The following TENM3 variants were observed in gnomAD, a reference collection of about 807,000 sequenced individuals.
TENM3 encodes the protein teneurin transmembrane protein 3.
TENM3 carries 63 observed loss-of-function variants against 255.1 expected under a neutral mutation model. The ratio of observed to expected loss-of-function variants is 0.25; its 90% CI spans 0.20 to 0.30. The LOEUF is 0.30. TENM3 is among the 10% of genes least tolerant of loss of function. TENM3 has a pLI of 1.00. For missense variants in TENM3, 2,929 were observed against 3,461.1 expected, an observed-to-expected ratio of 0.85 and a Z score of 3.86; for synonymous variants, 1,306 against 1,322.3, an observed-to-expected ratio of 0.99 and a Z score of 0.27.
At chr4:182,678,647 G>A (rs539099957) in intron 7 of TENM3, among the ~76,000 whole-genome samples, 1 of 152,314 alleles carries the variant, frequency 6.6e-6, no homozygotes, top group Non-Finnish European at 1.5e-5. Flanking sequence ...TCAAGATTCA[G>A]ATTCCTTCAC....
chr4:181,796,576 G>C, the TENM3 span, among the ~76,000 whole-genome samples: 2 of 152,162 alleles, frequency 1.3e-5, no homozygotes, highest in African/African-American at 4.8e-5. Context: ...ATGTGCACTA[G>C]AGGATGAGCC....
rs1762560706 is a variant in TENM3 at position 182,754,183 on chromosome 4, A to C, written c.4018-202A>C. Among the ~76,000 whole-genome samples, 1 of 152,222 alleles carries C rather than the reference A, an allele frequency of 6.6e-6. No individual in the cohort carries two copies. Among genetic ancestry groups the C allele is most frequent in the Non-Finnish European group, 1.5e-5 (1 of 68,046 alleles). On this transcript the variant is annotated intron_variant, in intron 21 of 27. Transcript: ENST00000511685. The surrounding 1 kb of genome is among the most constrained non-coding windows in gnomAD (Gnocchi z 5.1). ...AACTAGCAAATCTTTCTGTGAGCTGAATTTTAAAATAAAGTGTTATTTCCT... is the reference window on the plus strand; with the variant it reads ...AACTAGCAAATCTTTCTGTGAGCTGCATTTTAAAATAAAGTGTTATTTCCT...
the TENM3 span, among the ~76,000 whole-genome samples, chr4:181,818,966 G>A: frequency 6.6e-6 from 1 of 152,138 alleles, no homozygotes; most frequent in Non-Finnish European, 1.5e-5. Flanking sequence ...ACTAATGTGT[G>A]AGTCTTGCCC....
At chr4:181,611,691 T>A in the TENM3 span, among the ~76,000 whole-genome samples, 2 of 152,226 alleles carry the variant, frequency 1.3e-5, no homozygotes, top group Non-Finnish European at 2.9e-5. Flanking sequence ...ATTATAGAGT[T>A]ATAATGAGTG....
At chr4:182,445,167 C>T (rs565918934) in intron 3 of TENM3, among the ~76,000 whole-genome samples, 18 of 152,258 alleles carry the variant, frequency 1.2e-4, no homozygotes, top group South Asian at 4.1e-4. Context: ...AATGGTTAAG[C>T]GGCAGGCTCC....
intron 3 of TENM3, among the ~76,000 whole-genome samples, chr4:182,400,069 T>C (rs1769122460): frequency 6.7e-6 from 1 of 149,776 alleles, no homozygotes; most frequent in African/African-American, 2.4e-5. Flanking sequence ...TCTGTCTCCA[T>C]TTTTTTGTTA....
chr4:181,767,168 C>G, the TENM3 span, among the ~76,000 whole-genome samples: 1 of 142,454 alleles, frequency 7.0e-6, no homozygotes, highest in African/African-American at 2.6e-5. Flanking sequence ...AGGAGAATGG[C>G]GTGAACCCGG....
chr4:182,139,908 C>T (rs1182959746), upstream of TENM3, among the ~76,000 whole-genome samples: 6 of 152,200 alleles, frequency 3.9e-5, no homozygotes, highest in Non-Finnish European at 8.8e-5. Context: ...GTCTCATCAC[C>T]AGTCCATTCA....
chr4:181,778,183 T>C, the TENM3 span, among the ~76,000 whole-genome samples: 1 of 152,132 alleles, frequency 6.6e-6, no homozygotes, highest in Admixed American at 6.6e-5. Flanking sequence ...ATCCTTACAA[T>C]TTATATCCCT....
intron 3 of TENM3, among the ~76,000 whole-genome samples, chr4:182,463,013 C>A (rs1732194308): frequency 6.6e-6 from 1 of 152,114 alleles, no homozygotes; most frequent in African/African-American, 2.4e-5. Flanking sequence ...CTGCAGTCAT[C>A]CTACACAACC....
At chr4:181,453,261 T>C in the TENM3 span, among the ~76,000 whole-genome samples, 1 of 152,166 alleles carries the variant, frequency 6.6e-6, no homozygotes, top group Non-Finnish European at 1.5e-5. Context: ...GTAAAGGTCC[T>C]GATGGAGTCG....
chr4:181,629,085 C>T, the TENM3 span, among the ~76,000 whole-genome samples: 1 of 152,088 alleles, frequency 6.6e-6, no homozygotes, highest in African/African-American at 2.4e-5. Flanking sequence ...GTATTTTATT[C>T]TCTTTGAAGC....
chr4:181,667,707 C>T, the TENM3 span, among the ~76,000 whole-genome samples: 2 of 152,170 alleles, frequency 1.3e-5, no homozygotes, highest in African/African-American at 4.8e-5. Flanking sequence ...GCCTCCAGAA[C>T]CAAGAGCCAA....
At chr4:181,837,669 G>A in the TENM3 span, among the ~76,000 whole-genome samples, 171 of 152,234 alleles carry the variant, frequency 1.1e-3, no homozygotes, top group Non-Finnish European at 1.7e-3. Flanking sequence ...ATGCCTCCAC[G>A]TTCATCATCG....
intron 3 of TENM3, among the ~76,000 whole-genome samples, chr4:182,420,478 A>G (rs2151133165): frequency 6.6e-6 from 1 of 152,326 alleles, no homozygotes; most frequent in Admixed American, 6.5e-5. Context: ...TTTGAGAGGC[A>G]TGGCCTCCAC....
At chr4:181,581,819 G>A in the TENM3 span, among the ~76,000 whole-genome samples, 43 of 149,730 alleles carry the variant, frequency 2.9e-4, no homozygotes, top group African/African-American at 9.3e-4. Context: ...TGCAACCTCC[G>A]CCTCCTGGAG....
intron 1 of TENM3, among the ~76,000 whole-genome samples, chr4:182,296,468 C>G (rs1243974757): frequency 6.6e-6 from 1 of 152,108 alleles, no homozygotes; most frequent in Non-Finnish European, 1.5e-5. Flanking sequence ...AAAAAAACTT[C>G]CAAACCAGAG....
At chr4:182,486,509 T>C (rs1734737027) in intron 3 of TENM3, among the ~76,000 whole-genome samples, 1 of 152,176 alleles carries the variant, frequency 6.6e-6, no homozygotes, top group Non-Finnish European at 1.5e-5. Context: ...CACAACTAGT[T>C]ACCTAAAATA....
chr4:181,998,600 A>G, the TENM3 span, among the ~76,000 whole-genome samples: 111,611 of 151,938 alleles, frequency 0.73, 41,218 homozygotes, highest in Middle Eastern at 0.82. Flanking sequence ...CAGAGGTTCT[A>G]GGGGACTACT....
Sources: gnomAD v4.1 joint callset for allele counts (sites outside exome capture counted in the v4.1 genomes callset) on GRCh38, gnomAD v4.1.1 for gene constraint, Gnocchi (gnomAD v3.1) non-coding constraint, MANE v1.5 for transcripts, NCBI Gene and HGNC (gene_info 2026-07-23, HGNC 2026-07-21) for gene names.